Variants in DAB1 observed in about 807,000 individuals in gnomAD.
The protein encoded by DAB1 is DAB adaptor protein 1, also known as disabled homolog 1.
Under a neutral mutation model 64.6 loss-of-function variants are expected in DAB1, and 15 were observed. The observed-to-expected ratio is 0.23, with a 90% CI of 0.16 to 0.36. DAB1 has a LOEUF of 0.36. DAB1 is among the 10% of genes least tolerant of loss of function. The pLI is 1.00. For missense variants in DAB1, 596 were observed against 706.7 expected (o/e 0.84, Z 1.78); for synonymous variants, 235 against 251.9 (o/e 0.93, Z 0.64).
At chr1:57,536,477 A>T (rs138667927) in intron 7 of DAB1, among the ~76,000 whole-genome samples, 280 of 152,328 alleles carry the variant, frequency 1.8e-3, no homozygotes, top group African/African-American at 6.3e-3. Flanking sequence ...CAGATTCTTA[A>T]TGTCAGCAAA....
intron 5 of DAB1, among the ~76,000 whole-genome samples, chr1:58,030,436 C>T (rs1233123254): frequency 2.0e-5 from 3 of 152,060 alleles, no homozygotes; most frequent in Non-Finnish European, 4.4e-5. Flanking sequence ...AAGTACAATC[C>T]AATTTGCTAT....
intron 14 of DAB1, among the ~76,000 whole-genome samples, chr1:56,998,946 A>G (rs1164705420): frequency 6.6e-6 from 1 of 152,186 alleles, no homozygotes; most frequent in Non-Finnish European, 1.5e-5. Flanking sequence ...GCCTTGGCCA[A>G]GCAGATTTGA....
chr1:58,393,636 A>G (rs995836624), intron 3 of DAB1, among the ~76,000 whole-genome samples: 1 of 152,204 alleles, frequency 6.6e-6, no homozygotes, highest in Non-Finnish European at 1.5e-5. Flanking sequence ...ACACAAGAAG[A>G]TACATATCAC....
At chr1:58,127,270 T>C (rs549788242) in intron 5 of DAB1, among the ~76,000 whole-genome samples, 10 of 152,216 alleles carry the variant, frequency 6.6e-5, no homozygotes, top group African/African-American at 2.4e-4. Context: ...TTGAGAAGTG[T>C]CTGTTCATGT....
chr1:57,436,024 C>T (rs1480397374), intron 7 of DAB1, among the ~76,000 whole-genome samples: 1 of 148,536 alleles, frequency 6.7e-6, no homozygotes, highest in Non-Finnish European at 1.5e-5. Context: ...TCAAGCAATT[C>T]TCCTGTCTCA....
At chr1:57,413,538 G>A (rs897405211) in intron 1 of DAB1, among the ~76,000 whole-genome samples, 4 of 151,834 alleles carry the variant, frequency 2.6e-5, no homozygotes, top group South Asian at 2.1e-4. Context: ...TCAGGAGATC[G>A]AGACCATCAT....
At chr1:58,116,779 G>C (rs957718503) in intron 5 of DAB1, among the ~76,000 whole-genome samples, 1 of 152,108 alleles carries the variant, frequency 6.6e-6, no homozygotes, top group African/African-American at 2.4e-5. Context: ...CATGAAAAAA[G>C]AATAAGGTAA....
intron 3 of DAB1, among the ~76,000 whole-genome samples, chr1:58,483,840 AT>A (rs1280859243): frequency 6.6e-6 from 1 of 152,188 alleles, no homozygotes. Context: ...TTCCTTTACA[AT>A]GATGTTAATT....
At chr1:57,611,758 G>A (rs529275110) in intron 7 of DAB1, among the ~76,000 whole-genome samples, 2 of 152,260 alleles carry the variant, frequency 1.3e-5, no homozygotes, top group African/African-American at 4.8e-5. Context: ...CCCCTAGCAG[G>A]CCTTGCTACA....
intron 7 of DAB1, among the ~76,000 whole-genome samples, chr1:57,432,182 T>C (rs1389723669): frequency 2.0e-5 from 3 of 151,844 alleles, no homozygotes; most frequent in Admixed American, 2.0e-4. Flanking sequence ...AGAATCAGCA[T>C]AGCATATGAT....
chr1:57,588,025 A>G (rs1645400918), intron 7 of DAB1, among the ~76,000 whole-genome samples: 1 of 152,200 alleles, frequency 6.6e-6, no homozygotes, highest in Non-Finnish European at 1.5e-5. Flanking sequence ...CTCAAATTCT[A>G]AAGTCTTTCT....
At position 57,081,401 on chromosome 1, in the gene DAB1, A is replaced by G. The variant is rs191236381; in HGVS notation, c.307-8987T>C. Among the ~76,000 whole-genome samples the G allele has an allele frequency of 2.5e-3, 382 of 152,300 alleles. 1 individual carries two copies. The highest frequency in any genetic ancestry group is 8.8e-3 in the African/African-American group (365 of 41,566). On this transcript the variant is annotated intron_variant, in intron 4 of 14. Transcript: ENST00000371236. ...GATGAGGACTTCCTTGGAGCTCACA[A>G]GATAATGGTCTTGCAGTGGCTAAAG...
At chr1:57,919,937 G>A (rs1483807513) in intron 5 of DAB1, among the ~76,000 whole-genome samples, 1 of 152,178 alleles carries the variant, frequency 6.6e-6, no homozygotes, top group African/African-American at 2.4e-5. Context: ...TAAAGGCCTA[G>A]GGGAGGTCAG....
intron 6 of DAB1, among the ~76,000 whole-genome samples, chr1:57,687,317 G>A (rs962019762): frequency 6.6e-6 from 1 of 151,916 alleles, no homozygotes; most frequent in Admixed American, 6.6e-5. Flanking sequence ...AAATAACTAG[G>A]AATACAACTA....
At chr1:58,107,576 C>T (rs1651733820) in intron 5 of DAB1, among the ~76,000 whole-genome samples, 1 of 151,796 alleles carries the variant, frequency 6.6e-6, no homozygotes, top group African/African-American at 2.4e-5. Flanking sequence ...TTTGGCCAGG[C>T]CAAAGGGAAG....
chr1:57,259,522 G>A (rs1202892326), intron 2 of DAB1, among the ~76,000 whole-genome samples: 1 of 152,126 alleles, frequency 6.6e-6, no homozygotes, highest in Non-Finnish European at 1.5e-5. Context: ...AACCACATGT[G>A]CAAAGACTTA....
chr1:57,070,656 C>T (rs1399978183), intron 7 of DAB1: 2 of 241,792 alleles, frequency 8.3e-6, no homozygotes, highest in African/African-American at 4.6e-5. Flanking sequence ...CAGCCCCCAC[C>T]TCTGGTTCTT....
intron 2 of DAB1, among the ~76,000 whole-genome samples, chr1:58,520,689 G>A (rs908993459): frequency 6.6e-6 from 1 of 152,028 alleles, no homozygotes; most frequent in Non-Finnish European, 1.5e-5. Context: ...GGAAAAAGTG[G>A]ACATTAGGCA....
At chr1:58,001,541 C>T (rs1646507124) in intron 5 of DAB1, among the ~76,000 whole-genome samples, 3 of 152,122 alleles carry the variant, frequency 2.0e-5, no homozygotes, top group Non-Finnish European at 2.9e-5. Flanking sequence ...ATTACAGGCA[C>T]GAGCCACCAC....
Sources: gnomAD v4.1 joint callset for allele counts (sites outside exome capture counted in the v4.1 genomes callset) on GRCh38, gnomAD v4.1.1 for gene constraint, MANE v1.5 for transcripts, NCBI Gene and HGNC (gene_info 2026-07-23, HGNC 2026-07-21) for gene names.